The following BCLAF1 variants were observed in gnomAD, a reference collection of about 807,000 sequenced individuals.
BCLAF1 encodes BCL2 associated transcription factor 1.
A neutral mutation model predicts 99.5 loss-of-function variants in BCLAF1; 10 were observed. The observed-to-expected ratio is 0.10, with a 90% CI of 0.06 to 0.17. The LOEUF (loss-of-function observed/expected upper bound fraction) is 0.17. BCLAF1 is among the 10% of genes least tolerant of loss of function. BCLAF1 has a pLI of 1.00. For missense variants in BCLAF1, 636 were observed against 1,105.8 expected (o/e 0.58, Z 6.02); for synonymous variants, 255 against 370.9 (o/e 0.69, Z 3.59).
intron 8 of BCLAF1, 27 bp from the exon 9 acceptor site, chr6:136,269,639 A>T (rs1782236565): frequency 1.3e-6 from 2 of 1,531,480 alleles, no homozygotes; most frequent in South Asian, 2.6e-5. Flanking sequence ...TAAAATACAG[A>T]TTTCAGGGGA....
intron 3 of BCLAF1, chr6:136,279,515 C>T (rs990853462): frequency 6.3e-5 from 16 of 255,614 alleles, no homozygotes; most frequent in Non-Finnish European, 1.1e-4. Context: ...ACCTACCATA[C>T]ATTATACAGT....
At chr6:136,269,108 G>A (rs921660054) in intron 9 of BCLAF1, 15 of 1,160,714 alleles carry the variant, frequency 1.3e-5, no homozygotes, top group Non-Finnish European at 1.5e-5. Context: ...TTGAAAAAGT[G>A]CGGAATCAAG....
intron 1 of BCLAF1, among the ~76,000 whole-genome samples, chr6:136,282,909 C>G (rs746682521): frequency 1.3e-5 from 2 of 152,102 alleles, no homozygotes; most frequent in Admixed American, 6.6e-5. Flanking sequence ...CTGACAGCAT[C>G]TTTTTAACTA....
chr6:136,287,225 G>C (rs1403535323), intron 1 of BCLAF1, among the ~76,000 whole-genome samples: 1 of 151,728 alleles, frequency 6.6e-6, no homozygotes, highest in Non-Finnish European at 1.5e-5. Context: ...TACGAGAATC[G>C]CTTGAACCAG....
chr6:136,275,187 C>T (rs1783102532), intron 6 of BCLAF1, among the ~76,000 whole-genome samples: 2 of 152,050 alleles, frequency 1.3e-5, no homozygotes, highest in Admixed American at 1.3e-4. Context: ...CATAGGCATG[C>T]AATGAAAGAC....
rs1780811397 is a variant in BCLAF1 at position 136,260,374 on chromosome 6, T to C, written c.*736A>G. ...ATATCTAAGACCATGACTCAAACTATCAAATAGGAATAGAAAGAGAACACA... is the reference window on the plus strand; with the variant it reads ...ATATCTAAGACCATGACTCAAACTACCAAATAGGAATAGAAAGAGAACACA... On this transcript the variant is annotated 3_prime_UTR_variant, in exon 13 of 13. Coordinates refer to ENST00000531224, the MANE Select transcript of BCLAF1 (RefSeq NM_014739.3). 1 of 151,952 alleles carries C rather than the reference T, an allele frequency of 6.6e-6. No homozygotes were observed. Among genetic ancestry groups the C allele is most frequent in the African/African-American group, 2.4e-5 (1 of 41,400 alleles). 9.4% of individuals were successfully genotyped at this position (151,952 alleles called of 1,614,324 possible).
intron 9 of BCLAF1, chr6:136,269,203 G>C: frequency 1.4e-6 from 2 of 1,418,118 alleles, no homozygotes; most frequent in Non-Finnish European, 1.8e-6. Context: ...CTGGATAATA[G>C]GACACATTAA....
rs568320753 is a variant in BCLAF1 at position 136,259,695 on chromosome 6, A to C, written c.*1415T>G. On this transcript the variant is annotated 3_prime_UTR_variant, in exon 13 of 13. Transcript: ENST00000531224. Reference sequence around the variant, plus strand: ...TGGCTGTAATCTAGGTGCTAGACGCACTGCAAATCCTCGAAAGTGTTTAAG... The same window carrying C: ...TGGCTGTAATCTAGGTGCTAGACGCCCTGCAAATCCTCGAAAGTGTTTAAG... 6.6e-6 allele frequency: 1 copy of C among 152,034 alleles called. No individual in the cohort carries two copies. The highest frequency in any genetic ancestry group is 2.4e-5 in the African/African-American group (1 of 41,428). 9.4% of individuals were successfully genotyped at this position (152,034 alleles called of 1,614,324 possible). A position where few individuals can be genotyped will look rare whatever the true frequency, so the allele number is the denominator to read the frequency against.
At chr6:136,274,147 C>T (rs1782923105) in intron 6 of BCLAF1, 2 of 1,288,840 alleles carry the variant, frequency 1.6e-6, no homozygotes, top group Non-Finnish European at 2.0e-6. Flanking sequence ...AGCTATTTTA[C>T]TTTGAAACAT....
At chr6:136,263,830 A>T (rs1365994613) in intron 11 of BCLAF1, among the ~76,000 whole-genome samples, 1 of 152,192 alleles carries the variant, frequency 6.6e-6, no homozygotes, top group Non-Finnish European at 1.5e-5. Flanking sequence ...TCAGGTTCTA[A>T]CTAAAACTAG....
intron 8 of BCLAF1, 34 bp downstream of exon 8, chr6:136,271,960 CT>C (rs1782598433): frequency 6.7e-7 from 1 of 1,485,766 alleles, no homozygotes; most frequent in Admixed American, 1.7e-5. Flanking sequence ...CTAAGCTGAA[CT>C]TAACACGAAA....
intron 9 of BCLAF1, 199 bp downstream of exon 9, chr6:136,269,238 A>T: frequency 6.7e-7 from 1 of 1,489,330 alleles, no homozygotes; most frequent in Non-Finnish European, 8.9e-7. Flanking sequence ...TTTCAGTGTT[A>T]GCTTGCTATT....
chr6:136,261,426 G>A lies in BCLAF1; in HGVS notation c.2596C>T (p.Arg866Cys), dbSNP rs1280359954. 9 of 1,613,466 alleles carry A rather than the reference G, an allele frequency of 5.6e-6. No homozygotes were observed. Among genetic ancestry groups the A allele is most frequent in the Admixed American group, 3.3e-5 (2 of 59,936 alleles). Residue 866 changes from arginine to cysteine, a missense_variant, in exon 12 of 13, where the codon CGT becomes TGT. Physicochemically the swap from Arg to Cys is radical, Grantham distance 180 (BLOSUM62 -3). Transcript: ENST00000531224. ...VDYWAKRGRG[R>C]GTFQRGRGRF... is the part of the protein sequence containing the mutation. ...CCTCTGCCACGTTGAAAAGTACCAC[G>A]ACCTCTTCCTCTTTTGGCCCAATAA...
intron 1 of BCLAF1, among the ~76,000 whole-genome samples, chr6:136,286,380 C>A (rs558995908): frequency 2.3e-3 from 351 of 152,266 alleles, no homozygotes; most frequent in African/African-American, 7.3e-3. Flanking sequence ...TTACCTTCAT[C>A]TGTCAGCTTC....
At chr6:136,263,337 C>T (rs1781274249) in intron 11 of BCLAF1, among the ~76,000 whole-genome samples, 1 of 152,086 alleles carries the variant, frequency 6.6e-6, no homozygotes, top group Non-Finnish European at 1.5e-5. Flanking sequence ...AAGCTAGACA[C>T]TAGGGTTAAA....
intron 8 of BCLAF1, among the ~76,000 whole-genome samples, chr6:136,271,753 G>C (rs1584040951): frequency 6.6e-6 from 1 of 150,966 alleles, no homozygotes; most frequent in Admixed American, 6.6e-5. Flanking sequence ...ACTTTTCTTA[G>C]GACTATTTTT....
rs959672102 is a variant in BCLAF1, at chr6:136,279,917, A to T, written c.-10-41T>A. On this transcript the variant is annotated intron_variant, in intron 2 of 12. Coordinates refer to ENST00000531224, the MANE Select transcript of BCLAF1 (RefSeq NM_014739.3). ...GGCAAAAAAAGGTTAAAATTACAAT[A>T]TGATATTTAAAATTTTACATTATTA... The T allele has an allele frequency of 5.1e-6, 7 of 1,385,904 alleles. No homozygotes were observed. In the South Asian group the frequency reaches 7.3e-5, roughly 14 times the overall value. The allele number at this position is 1,385,904 out of a possible 1,614,324, so 85.9% of individuals were successfully genotyped here.
intron 1 of BCLAF1, among the ~76,000 whole-genome samples, chr6:136,285,866 G>C (rs797560): frequency 6.6e-6 from 1 of 152,020 alleles, no homozygotes; most frequent in African/African-American, 2.4e-5. Flanking sequence ...TTGGGAGGCC[G>C]AGGTGAGCGG....
At chr6:136,285,245 G>T (rs1426460455) in intron 1 of BCLAF1, among the ~76,000 whole-genome samples, 1 of 152,136 alleles carries the variant, frequency 6.6e-6, no homozygotes, top group Admixed American at 6.5e-5. Flanking sequence ...GAAAAAAAGA[G>T]GCAAATCCAA....
Sources: allele counts gnomAD v4.1 joint callset (sites outside exome capture counted in the v4.1 genomes callset), GRCh38; gene constraint gnomAD v4.1.1; transcripts MANE v1.5; gene names NCBI Gene and HGNC (gene_info 2026-07-23, HGNC 2026-07-21).